PPARGC1A: variants seen among roughly 807,000 people sequenced by gnomAD.
PPARGC1A encodes the protein peroxisome proliferator-activated receptor gamma coactivator 1-alpha.
Under a neutral mutation model 88.7 loss-of-function variants are expected in PPARGC1A, and 25 were observed. The ratio of observed to expected loss-of-function variants is 0.28; its 90% confidence interval spans 0.21 to 0.39. The LOEUF is 0.39. Among genes scored for constraint, PPARGC1A ranks in the 10% least tolerant of loss-of-function variants. The pLI is 1.00. For synonymous variants in PPARGC1A, 363 were observed against 355.6 expected, an observed-to-expected ratio of 1.02 and a Z score of -0.24; for missense variants, 880 against 968.7, an observed-to-expected ratio of 0.91 and a Z score of 1.22.
the PPARGC1A span, among the ~76,000 whole-genome samples, chr4:23,982,065 C>T: frequency 6.6e-6 from 1 of 152,112 alleles, no homozygotes. Flanking sequence ...TCTCGTTTCT[C>T]CCTGAGTGCT....
chr4:23,889,220 G>T (rs1241886317), intron 1 of PPARGC1A: 1 of 985,262 alleles, frequency 1.0e-6, no homozygotes, highest in Admixed American at 6.2e-5. Flanking sequence ...GCAGCTCTCC[G>T]TGGTACAGGA....
At chr4:24,156,852 A>C in the PPARGC1A span, among the ~76,000 whole-genome samples, 1 of 151,412 alleles carries the variant, frequency 6.6e-6, no homozygotes, top group African/African-American at 2.4e-5. Flanking sequence ...TGCTGCCTCC[A>C]TTCCAAACAA....
the PPARGC1A span, among the ~76,000 whole-genome samples, chr4:24,079,243 A>G: frequency 6.6e-6 from 1 of 151,954 alleles, no homozygotes; most frequent in Non-Finnish European, 1.5e-5. Flanking sequence ...ATAAATCAGC[A>G]CTCTTCCTCA....
chr4:23,963,650 C>T, the PPARGC1A span, among the ~76,000 whole-genome samples: 11 of 152,254 alleles, frequency 7.2e-5, no homozygotes, highest in Admixed American at 1.3e-4. Flanking sequence ...ACCTCAAACC[C>T]TAGAGAGAAG....
chr4:24,220,224 C>G, the PPARGC1A span, among the ~76,000 whole-genome samples: 2 of 152,188 alleles, frequency 1.3e-5, no homozygotes, highest in Admixed American at 6.5e-5. Context: ...CAGAAAATAA[C>G]AGATGTTGGC....
chr4:23,884,306 C>T (rs757305052), intron 2 of PPARGC1A: 2 of 167,338 alleles, frequency 1.2e-5, no homozygotes, highest in African/African-American at 2.4e-5. Context: ...ATCAAAAGAG[C>T]TCACCTAATT....
the PPARGC1A span, among the ~76,000 whole-genome samples, chr4:24,161,562 G>A: frequency 2.0e-5 from 3 of 152,146 alleles, no homozygotes; most frequent in Non-Finnish European, 2.9e-5. Context: ...GGGTTGTCAT[G>A]AGATACTATG....
the PPARGC1A span, among the ~76,000 whole-genome samples, chr4:24,410,330 T>C: frequency 6.6e-6 from 1 of 152,152 alleles, no homozygotes; most frequent in Non-Finnish European, 1.5e-5. Context: ...TACACGTATT[T>C]TCCTACATAT....
chr4:24,078,581 G>A, the PPARGC1A span, among the ~76,000 whole-genome samples: 1 of 152,032 alleles, frequency 6.6e-6, no homozygotes, highest in African/African-American at 2.4e-5. Flanking sequence ...TGGTCATTCT[G>A]TGTATCTATT....
At chr4:23,839,896 C>T (rs1406841188) in intron 2 of PPARGC1A, among the ~76,000 whole-genome samples, 3 of 152,020 alleles carry the variant, frequency 2.0e-5, no homozygotes, top group Non-Finnish European at 2.9e-5. Flanking sequence ...AGGAAAGACC[C>T]GCTCTCATAA....
intron 2 of PPARGC1A, among the ~76,000 whole-genome samples, chr4:23,866,562 C>G (rs1440284521): frequency 6.6e-6 from 1 of 152,172 alleles, no homozygotes; most frequent in African/African-American, 2.4e-5. Flanking sequence ...TCTCTTCCTC[C>G]CTGATGGACC....
the PPARGC1A span, among the ~76,000 whole-genome samples, chr4:23,929,890 T>A: frequency 6.6e-6 from 1 of 152,166 alleles, no homozygotes; most frequent in South Asian, 2.1e-4. Context: ...TCTCATTACA[T>A]CTTTTTAACA....
the PPARGC1A span, among the ~76,000 whole-genome samples, chr4:24,058,584 G>C: frequency 6.6e-6 from 1 of 152,088 alleles, no homozygotes; most frequent in East Asian, 1.9e-4. Flanking sequence ...ATTTGAAAAG[G>C]GAAACAAAAG....
the PPARGC1A span, among the ~76,000 whole-genome samples, chr4:24,127,911 C>T: frequency 4.7e-4 from 71 of 152,102 alleles, 3 homozygotes; most frequent in East Asian, 0.012. Context: ...AGCCTGAGTC[C>T]CAGAGAATAG....
chr4:24,111,995 C>T, the PPARGC1A span, among the ~76,000 whole-genome samples: 1 of 152,180 alleles, frequency 6.6e-6, no homozygotes, highest in Non-Finnish European at 1.5e-5. Context: ...TTATTCTTGA[C>T]TTTAGACAAA....
chr4:24,442,767 T>C, the PPARGC1A span, among the ~76,000 whole-genome samples: 2 of 152,218 alleles, frequency 1.3e-5, no homozygotes, highest in Non-Finnish European at 2.9e-5. Context: ...AGAGATGGTA[T>C]GCTAAATCTA....
At chr4:24,435,560 C>T in the PPARGC1A span, among the ~76,000 whole-genome samples, 2 of 152,186 alleles carry the variant, frequency 1.3e-5, no homozygotes, top group Non-Finnish European at 2.9e-5. Flanking sequence ...AGACAAATGT[C>T]TACCTCCTCC....
chr4:24,326,654 G>A, the PPARGC1A span, among the ~76,000 whole-genome samples: 10 of 151,992 alleles, frequency 6.6e-5, no homozygotes, highest in Admixed American at 3.3e-4. Flanking sequence ...CATAATTCTC[G>A]TAAAAACACA....
At chr4:24,328,046 A>T in the PPARGC1A span, among the ~76,000 whole-genome samples, 2 of 151,866 alleles carry the variant, frequency 1.3e-5, no homozygotes, top group Admixed American at 6.6e-5. Context: ...ACCCCCTTTG[A>T]CTGTAATTTT....
Sources: allele counts gnomAD v4.1 joint callset (sites outside exome capture counted in the v4.1 genomes callset), GRCh38; gene constraint gnomAD v4.1.1; transcripts MANE v1.5; gene names NCBI Gene and HGNC (gene_info 2026-07-23, HGNC 2026-07-21).